Variants in SMG1 observed in about 807,000 individuals in gnomAD.
The protein encoded by SMG1 is serine/threonine-protein kinase SMG1.
A neutral mutation model predicts 419.9 loss-of-function variants in SMG1; 22 were observed. The ratio of observed to expected loss-of-function variants is 0.05; its 90% CI spans 0.04 to 0.07. SMG1 has a LOEUF of 0.07. SMG1 is among the 10% of genes least tolerant of loss of function. The pLI is 1.00. For synonymous variants in SMG1, 1,538 were observed against 1,553.5 expected, an observed-to-expected ratio of 0.99 and a Z score of 0.23; for missense variants, 3,185 against 4,342.0, an observed-to-expected ratio of 0.73 and a Z score of 7.49.
chr16:18,850,429 G>C lies in SMG1; in HGVS notation c.5091C>G (p.Asp1697Glu), dbSNP rs772243690. 1.9e-5 allele frequency: 30 copies of C among 1,613,600 alleles called. No individual in the cohort carries two copies. The East Asian group carries it at 6.5e-4, about 35-fold the overall frequency. ...CATCAACCATGTCATCTTCTTCGTT[G>C]TCTTCACTCTCAGTTATCTGAAGTG... The part of the protein sequence containing the change: ...DITLQITESE[D>E]NEEDDMVDVI... The change falls in exon 34 of 63, where the codon GAC becomes GAG. Residue 1697 changes from aspartate to glutamate, a missense_variant. Transcript: ENST00000446231.
intron 10 of SMG1, among the ~76,000 whole-genome samples, chr16:18,881,081 A>G (rs2036372802): frequency 6.6e-6 from 1 of 151,170 alleles, no homozygotes; most frequent in Non-Finnish European, 1.5e-5. Flanking sequence ...TTGCTCTACT[A>G]CACTCCAGCC....
At chr16:18,919,517 A>T (rs1269010634) in intron 1 of SMG1, among the ~76,000 whole-genome samples, 1 of 151,492 alleles carries the variant, frequency 6.6e-6, no homozygotes, top group Admixed American at 6.6e-5. Flanking sequence ...CCAGCTACTC[A>T]GGAGGATGAG....
intron 3 of SMG1, 135 bp from the exon 4 acceptor site, chr16:18,892,489 G>A: frequency 1.5e-6 from 1 of 661,954 alleles, no homozygotes; most frequent in South Asian, 2.3e-5. Flanking sequence ...CAGTACTTTG[G>A]AAGGCGGGTA....
At chr16:18,850,784 C>A (rs1478918345) in intron 33 of SMG1, among the ~76,000 whole-genome samples, 1 of 152,164 alleles carries the variant, frequency 6.6e-6, no homozygotes, top group Middle Eastern at 3.2e-3. Flanking sequence ...CAAAGTCTCA[C>A]TCTGTCACCC....
At position 18,892,207 on chromosome 16, in the gene SMG1, A is replaced by C; in HGVS notation, c.549+11T>G. 1 of 1,508,704 alleles carries C rather than the reference A, an allele frequency of 6.6e-7. No individual in the cohort carries two copies. The highest frequency in any genetic ancestry group is 9.0e-7 in the Non-Finnish European group (1 of 1,109,150). The allele number at this position is 1,508,704 out of a possible 1,614,324, so 93.5% of individuals were successfully genotyped here. A position where few individuals can be genotyped will look rare whatever the true frequency, so the allele number is the denominator to read the frequency against. On this transcript the variant is annotated intron_variant, in intron 4 of 62. Coordinates refer to ENST00000446231, the MANE Select transcript of SMG1 (RefSeq NM_015092.5). ...CAAAAATCCTCATATTTCCAAACAT[A>C]CTATACTTACCAGCTTATTTTCTGG...
Position 18,853,756 on chromosome 16 carries a change from A to G in SMG1, c.4595T>C (p.Ile1532Thr), listed in dbSNP as rs1339713889. 1.9e-6 allele frequency: 3 copies of G among 1,613,892 alleles called. No homozygotes were observed. Among genetic ancestry groups the G allele is most frequent in the Admixed American group, 1.7e-5 (1 of 60,014 alleles). ...TGAAATCTCTTTCCATTCTGCCTGG[A>G]TCCATTTAGCCAGTGTCAGAATTGA... ...AKSILTLAKW[I>T]QAEWKEISGQ... is the part of the protein sequence containing the mutation. Residue 1532 changes from isoleucine (I) to threonine (T), a missense_variant, in exon 31 of 63, where the codon ATC becomes ACC. Coordinates refer to ENST00000446231, the MANE Select transcript of SMG1 (RefSeq NM_015092.5).
intron 23 of SMG1, 35 bp downstream of exon 23, chr16:18,866,586 T>G: frequency 6.4e-7 from 1 of 1,563,222 alleles, no homozygotes. Flanking sequence ...AAACATAAAG[T>G]AATTCTATCA....
rs531125810 is a variant in SMG1, at chr16:18,858,770, A to G, written c.4113+252T>C. 9.0e-4 allele frequency: 342 copies of G among 379,472 alleles called. 9 individuals carry two copies. In the South Asian group the frequency reaches 0.014, roughly 15 times the overall value. The allele number at this position is 379,472 out of a possible 1,614,324, so 23.5% of individuals were successfully genotyped here. A position where few individuals can be genotyped will look rare whatever the true frequency, so the allele number is the denominator to read the frequency against. On this transcript the variant is annotated intron_variant, in intron 28 of 62. Transcript: ENST00000446231. ...CCGCCTAAAGGAACTGTCTTTACATACACCACCTCCCACCCCGAAATTAGA... is the reference window on the plus strand; with the variant it reads ...CCGCCTAAAGGAACTGTCTTTACATGCACCACCTCCCACCCCGAAATTAGA...
At chr16:18,819,069 AG>A (rs2032281443) in intron 56 of SMG1, among the ~76,000 whole-genome samples, 1 of 151,882 alleles carries the variant, frequency 6.6e-6, no homozygotes, top group Admixed American at 6.6e-5. Flanking sequence ...CACCCACCTC[AG>A]CCTCCCAAAG....
intron 39 of SMG1, among the ~76,000 whole-genome samples, chr16:18,843,866 T>C (rs2034068890): frequency 6.6e-6 from 1 of 152,216 alleles, no homozygotes; most frequent in Admixed American, 6.5e-5. Context: ...GGGAGAGAAG[T>C]GGGACTTCTA....
At position 18,866,664 on chromosome 16, in the gene SMG1, T is replaced by A. The variant is rs563883658; in HGVS notation, c.3307A>T (p.Asn1103Tyr). ...AVWSSSIVGKNLLWINSVAQQ... is the reference protein window; with the variant it reads ...AVWSSSIVGKYLLWINSVAQQ... ...GCCACTGAGTTAATCCACAGAAGAT[T>A]TTTTCCAACAATAGATGATGACCAG... Residue 1103 changes from asparagine to tyrosine, a missense_variant, in exon 23 of 63, where the codon AAT (asparagine) becomes TAT (tyrosine). Coordinates refer to ENST00000446231, the MANE Select transcript of SMG1 (RefSeq NM_015092.5). The A allele has an allele frequency of 6.3e-7, 1 of 1,595,506 alleles. No homozygotes were observed. The highest frequency in any genetic ancestry group is 1.1e-5 in the South Asian group (1 of 90,942).
Position 18,833,156 on chromosome 16 carries a change from G to C in SMG1, c.8576C>G (p.Ser2859Trp). 1 of 1,613,404 alleles carries C rather than the reference G, an allele frequency of 6.2e-7. No individual in the cohort carries two copies. Among genetic ancestry groups the C allele is most frequent in the African/African-American group, 1.3e-5 (1 of 74,992 alleles). Reference sequence around the variant, plus strand: ...TGGAAATATGATTTGCCGGAAATTCGAATTCAATTCCTATAAATATATGAG... The same window carrying C: ...TGGAAATATGATTTGCCGGAAATTCCAATTCAATTCCTATAAATATATGAG... ...GVYTSLQELN[S>W]NFRQIIFPEA... Residue 2859 changes from serine to tryptophan, a missense_variant, in exon 51 of 63, where the codon TCG becomes TGG. Transcript: ENST00000446231.
At chr16:18,838,722 A>G (rs773523272) in intron 42 of SMG1, 33 bp from the exon 43 acceptor site, 1 of 1,436,134 alleles carries the variant, frequency 7.0e-7, no homozygotes, top group Admixed American at 2.1e-5. Context: ...AGCAAGTGAA[A>G]CACCATTAAG....
chr16:18,919,648 GTGTA>G (rs1197690087), intron 1 of SMG1, among the ~76,000 whole-genome samples: 1 of 96,772 alleles, frequency 1.0e-5, no homozygotes, highest in African/African-American at 4.4e-5. Context: ...GTGTGTGTGT[GTGTA>G]TATATACACA....
intron 26 of SMG1, among the ~76,000 whole-genome samples, chr16:18,859,995 G>A (rs2035128519): frequency 1.3e-5 from 2 of 152,162 alleles, no homozygotes; most frequent in African/African-American, 4.8e-5. Context: ...AAGGTGGGTG[G>A]ATCACGAGGT....
rs368183432 is a variant in SMG1 at position 18,852,026 on chromosome 16, T to G, written c.5052+41A>C. On this transcript the variant is annotated intron_variant, in intron 33 of 62. Coordinates refer to ENST00000446231, the MANE Select transcript of SMG1 (RefSeq NM_015092.5). ...GATCAATTTTCTCAAAATCAATGAT[T>G]TGGAGTAGCAATCTTGCCCCAAGCA... 41 of 1,554,568 alleles carry G rather than the reference T, an allele frequency of 2.6e-5. No individual in the cohort carries two copies. In the South Asian group the frequency reaches 4.8e-4, roughly 18 times the overall value.
rs2034355919 is a variant in SMG1, at chr16:18,847,832, G to A, written c.5825C>T (p.Pro1942Leu). Residue 1942 changes from proline to leucine, a missense_variant, in exon 37 of 63, where the codon CCC (proline) becomes CTC (leucine). This residue lies in a region of SMG1 where 130 missense variants were observed against 162.0 expected (regional missense o/e 0.80). Transcript: ENST00000446231. ...TCTTTGTACCTGTAATACCATGGTGGGGTTTGCAGAGGACAGCTTATCTAC... is the reference window on the plus strand; with the variant it reads ...TCTTTGTACCTGTAATACCATGGTGAGGTTTGCAGAGGACAGCTTATCTAC... Reference protein sequence around the residue: ...KIVDKLSSANPTMVLQVQMLV... With the variant: ...KIVDKLSSANLTMVLQVQMLV... 3.7e-6 allele frequency: 6 copies of A among 1,613,890 alleles called. No individual in the cohort carries two copies. Among genetic ancestry groups the A allele is most frequent in the East Asian group, 2.2e-5 (1 of 44,894 alleles).
At chr16:18,916,489 G>C (rs192801638) in intron 1 of SMG1, among the ~76,000 whole-genome samples, 33 of 142,988 alleles carry the variant, frequency 2.3e-4, no homozygotes, top group African/African-American at 7.5e-4. Flanking sequence ...GCACTCCAGC[G>C]TGGGCGACGG....
At chr16:18,858,322 A>G in intron 28 of SMG1, 32 bp from the exon 29 acceptor site, 1 of 1,570,492 alleles carries the variant, frequency 6.4e-7, no homozygotes, top group Non-Finnish European at 8.6e-7. Context: ...TACTCAACAT[A>G]AAACAGGCTG....
Sources: allele counts gnomAD v4.1 joint callset (sites outside exome capture counted in the v4.1 genomes callset), GRCh38; gene constraint gnomAD v4.1.1; regional missense constraint gnomAD v4.1.1; transcripts MANE v1.5; gene names NCBI Gene and HGNC (gene_info 2026-07-23, HGNC 2026-07-21).